GFPT2: variants seen among roughly 807,000 people sequenced by gnomAD.
GFPT2 encodes glutamine--fructose-6-phosphate aminotransferase [isomerizing] 2.
GFPT2 carries 62 observed loss-of-function variants against 85.6 expected under a neutral mutation model. The observed-to-expected ratio is 0.72, with a 90% CI of 0.59 to 0.90. GFPT2 has a LOEUF of 0.90. Ranked by LOEUF, GFPT2 falls within the 40% of genes least tolerant of loss-of-function variation. The pLI is 0.00. For synonymous variants in GFPT2, 368 were observed against 344.5 expected, an observed-to-expected ratio of 1.07 and a Z score of -0.75; for missense variants, 788 against 893.4, an observed-to-expected ratio of 0.88 and a Z score of 1.50.
intron 18 of GFPT2, among the ~76,000 whole-genome samples, 185 bp downstream of exon 18, chr5:180,302,238 G>C (rs1241497682): frequency 1.3e-5 from 2 of 151,404 alleles, no homozygotes; most frequent in African/African-American, 2.4e-5. Context: ...AGTGAGCCGA[G>C]GTTGTGCCAC....
intron 17 of GFPT2, among the ~76,000 whole-genome samples, chr5:180,302,892 T>A (rs781630793): frequency 6.6e-6 from 1 of 152,076 alleles, no homozygotes; most frequent in Non-Finnish European, 1.5e-5. Context: ...GCTCATAGTC[T>A]AGTGGTAGAA....
At chr5:180,335,577 GT>G (rs1764377614) in intron 4 of GFPT2, among the ~76,000 whole-genome samples, 1 of 152,246 alleles carries the variant, frequency 6.6e-6, no homozygotes, top group African/African-American at 2.4e-5. Context: ...AGCTCTCCTG[GT>G]TAAGTGCCAT....
At chr5:180,345,689 CA>C (rs1764593882) in intron 1 of GFPT2, among the ~76,000 whole-genome samples, 1 of 152,218 alleles carries the variant, frequency 6.6e-6, no homozygotes, top group Admixed American at 6.5e-5. Context: ...GAGTCCCCAG[CA>C]CCTGGCCCAG....
intron 9 of GFPT2, among the ~76,000 whole-genome samples, chr5:180,320,142 G>A (rs1051954235): frequency 5.3e-5 from 8 of 152,080 alleles, no homozygotes; most frequent in East Asian, 2.0e-4. Context: ...ACAGGTGCCC[G>A]ACACCATGCC....
chr5:180,317,556 G>A lies in GFPT2; in HGVS notation c.959-498C>T, dbSNP rs973029984. 2.1e-4 allele frequency among the ~76,000 whole-genome samples: 30 copies of A among 145,244 alleles called. 1 individual carries two copies. The highest frequency in any genetic ancestry group is 8.0e-4 in the African/African-American group (28 of 35,012). Reference sequence around the variant, plus strand: ...GGGCGGATCACGAAGTCAGGAGATCGAGACCATCCCGGCTAAAACAGTGAA... The same window carrying A: ...GGGCGGATCACGAAGTCAGGAGATCAAGACCATCCCGGCTAAAACAGTGAA... On this transcript the variant is annotated intron_variant, in intron 10 of 18. Coordinates refer to ENST00000253778, the MANE Select transcript of GFPT2 (RefSeq NM_005110.4).
chr5:180,325,950 G>A (rs1289677472), intron 7 of GFPT2, among the ~76,000 whole-genome samples: 2 of 152,126 alleles, frequency 1.3e-5, no homozygotes, highest in African/African-American at 2.4e-5. Flanking sequence ...ACTTGAACCC[G>A]GGAGGCGGAG....
intron 10 of GFPT2, 109 bp from the exon 11 acceptor site, chr5:180,317,167 A>G (rs1047903845): frequency 2.6e-6 from 2 of 771,180 alleles, no homozygotes; most frequent in African/African-American, 1.7e-5. Flanking sequence ...TCCCAAAGGC[A>G]TCCCCAGGGA....
chr5:180,337,907 G>C (rs1047433931), intron 2 of GFPT2, among the ~76,000 whole-genome samples: 2 of 152,140 alleles, frequency 1.3e-5, no homozygotes, highest in African/African-American at 4.8e-5. Flanking sequence ...AGTGCTTTGG[G>C]AGGCAAAGGC....
chr5:180,348,782 G>A (rs543695694), intron 1 of GFPT2, among the ~76,000 whole-genome samples: 3 of 147,420 alleles, frequency 2.0e-5, no homozygotes, highest in South Asian at 2.1e-4. Flanking sequence ...TTGCTCTGTC[G>A]CCAGGCTGGA....
At chr5:180,325,350 C>G (rs945997355) in intron 7 of GFPT2, among the ~76,000 whole-genome samples, 1 of 152,214 alleles carries the variant, frequency 6.6e-6, no homozygotes, top group Non-Finnish European at 1.5e-5. Flanking sequence ...TGTTCCTTCC[C>G]TTCCCCTAGC....
rs536958825 is a variant in GFPT2 at position 180,313,100 on chromosome 5, G to C, written c.1432-556C>G. On this transcript the variant is annotated intron_variant, in intron 14 of 18. Coordinates refer to ENST00000253778, the MANE Select transcript of GFPT2 (RefSeq NM_005110.4). The stretch of plus-strand genomic sequence containing the variant: ...CCTAAGTTTTATTTTTGAAGGGACG[G>C]GGTTGCCCGGGGCGGTCTGGAACTC... Among the ~76,000 whole-genome samples, 9 of 151,576 alleles carry C rather than the reference G, an allele frequency of 5.9e-5. No individual in the cohort carries two copies. In the East Asian group the frequency reaches 1.8e-3, roughly 31 times the overall value.
chr5:180,353,306 GT>G lies in GFPT2; in HGVS notation c.-90del. Reference sequence around the variant, plus strand: ...CTCCGTGGGCTCCTCCGTGGGCTCCGTGGGCTCCGTGGGCTCCGCGGGCTCC... The same window carrying G: ...CTCCGTGGGCTCCTCCGTGGGCTCCGGGGCTCCGTGGGCTCCGCGGGCTCC... On this transcript the variant is annotated 5_prime_UTR_variant, in exon 1 of 19. Coordinates refer to ENST00000253778, the MANE Select transcript of GFPT2 (RefSeq NM_005110.4). 1 of 986,682 alleles carries G rather than the reference GT, an allele frequency of 1.0e-6. No homozygotes were observed. The highest frequency in any genetic ancestry group is 1.7e-5 in the African/African-American group (1 of 59,306). The allele number at this position is 986,682 out of a possible 1,614,324, so 61.1% of individuals were successfully genotyped here. A position where few individuals can be genotyped will look rare whatever the true frequency, so the allele number is the denominator to read the frequency against.
intron 15 of GFPT2, among the ~76,000 whole-genome samples, chr5:180,307,999 G>A (rs1486592429): frequency 1.3e-5 from 2 of 152,174 alleles, no homozygotes; most frequent in Non-Finnish European, 2.9e-5. Context: ...GCTCACGCCT[G>A]TAATCCCAGC....
chr5:180,302,147 C>CAT (rs1763686981), intron 18 of GFPT2, among the ~76,000 whole-genome samples: 3 of 150,648 alleles, frequency 2.0e-5, no homozygotes, highest in African/African-American at 7.3e-5. Context: ...ATTAGCCAGG[C>CAT]ATGGTGGCGG....
At chr5:180,302,867 C>T (rs1288533804) in intron 17 of GFPT2, among the ~76,000 whole-genome samples, 1 of 152,156 alleles carries the variant, frequency 6.6e-6, no homozygotes, top group South Asian at 2.1e-4. Context: ...CAGACTCACT[C>T]CTAACTCTAG....
intron 1 of GFPT2, among the ~76,000 whole-genome samples, chr5:180,345,662 CTG>C (rs1259974948): frequency 6.6e-6 from 1 of 152,242 alleles, no homozygotes; most frequent in African/African-American, 2.4e-5. Flanking sequence ...GGGACCACAT[CTG>C]TCTCATCCAT....
At chr5:180,337,570 C>T (rs981585923) in intron 2 of GFPT2, among the ~76,000 whole-genome samples, 2 of 151,890 alleles carry the variant, frequency 1.3e-5, no homozygotes, top group East Asian at 1.9e-4. Context: ...AAAATATCAA[C>T]GTACAACACC....
intron 5 of GFPT2, 49 bp downstream of exon 5, chr5:180,331,446 G>A: frequency 9.0e-7 from 1 of 1,105,664 alleles, no homozygotes; most frequent in Admixed American, 1.7e-5. Context: ...AAGTTTCTGG[G>A]GAGACCAATC....
intron 4 of GFPT2, among the ~76,000 whole-genome samples, chr5:180,335,507 G>C (rs1250524394): frequency 6.6e-6 from 1 of 152,238 alleles, no homozygotes; most frequent in Non-Finnish European, 1.5e-5. Context: ...ACAGTGCCCA[G>C]GCCCCTCAGT....
Sources: allele counts gnomAD v4.1 joint callset (sites outside exome capture counted in the v4.1 genomes callset), GRCh38; gene constraint gnomAD v4.1.1; transcripts MANE v1.5; gene names NCBI Gene and HGNC (gene_info 2026-07-23, HGNC 2026-07-21).